Variants in SMYD3 observed in about 807,000 individuals in gnomAD.
The protein encoded by SMYD3 is SET and MYND domain containing 3.
A neutral mutation model predicts 57.7 loss-of-function variants in SMYD3; 36 were observed. That is an observed-to-expected ratio of 0.62 (90% CI 0.48 to 0.82). SMYD3 has a LOEUF of 0.82. Among genes scored for constraint, SMYD3 ranks in the 40% least tolerant of loss-of-function variants. SMYD3 has a pLI of 0.00. For missense variants in SMYD3, 515 were observed against 538.8 expected, an observed-to-expected ratio of 0.96 and a Z score of 0.44; for synonymous variants, 211 against 195.0, an observed-to-expected ratio of 1.08 and a Z score of -0.68.
At chr1:246,140,888 C>T (rs1327354365) in intron 5 of SMYD3, among the ~76,000 whole-genome samples, 3 of 152,186 alleles carry the variant, frequency 2.0e-5, no homozygotes, top group Non-Finnish European at 4.4e-5. Flanking sequence ...AGCCACCAAG[C>T]CCAGCTGGAA....
chr1:246,109,972 G>C (rs895939210), intron 5 of SMYD3: 3 of 152,190 alleles, frequency 2.0e-5, no homozygotes, highest in Non-Finnish European at 4.4e-5. Flanking sequence ...ATAAGGATAG[G>C]AGCTGAAATA....
At chr1:246,344,581 G>T (rs563707366) in intron 2 of SMYD3, among the ~76,000 whole-genome samples, 1 of 152,198 alleles carries the variant, frequency 6.6e-6, no homozygotes, top group South Asian at 2.1e-4. Flanking sequence ...ATAACTCTTA[G>T]GTAAATAACT....
chr1:245,916,334 C>G (rs1029037918), intron 7 of SMYD3, among the ~76,000 whole-genome samples: 3 of 152,180 alleles, frequency 2.0e-5, no homozygotes, highest in Admixed American at 6.5e-5. Context: ...CTCGGACACT[C>G]TCTAACACTG....
intron 5 of SMYD3, among the ~76,000 whole-genome samples, chr1:246,230,125 C>T (rs575647435): frequency 4.6e-5 from 7 of 152,118 alleles, no homozygotes; most frequent in Admixed American, 1.3e-4. Context: ...GGTAATTCAC[C>T]GAACTTTTAG....
At chr1:246,135,188 T>A (rs2061649002) in intron 5 of SMYD3, among the ~76,000 whole-genome samples, 1 of 152,138 alleles carries the variant, frequency 6.6e-6, no homozygotes, top group South Asian at 2.1e-4. Flanking sequence ...AAAGCTTTTG[T>A]TTCAAATCCT....
chr1:246,226,998 T>G (rs952811004), intron 5 of SMYD3, among the ~76,000 whole-genome samples: 6 of 151,410 alleles, frequency 4.0e-5, no homozygotes, highest in African/African-American at 1.4e-4. Context: ...CTCCCTAATT[T>G]TAATATTGAT....
intron 5 of SMYD3, among the ~76,000 whole-genome samples, chr1:246,303,090 C>CA (rs753961393): frequency 4.6e-5 from 7 of 152,194 alleles, no homozygotes; most frequent in African/African-American, 7.2e-5. Flanking sequence ...GAAGAGCAGA[C>CA]AGAGTCTATG....
chr1:246,458,171 G>A (rs2067732082), intron 1 of SMYD3, among the ~76,000 whole-genome samples: 1 of 152,108 alleles, frequency 6.6e-6, no homozygotes, highest in Non-Finnish European at 1.5e-5. Context: ...CGAGGGTCAG[G>A]CTACAAGGAC....
At chr1:246,195,635 A>G (rs754057096) in intron 5 of SMYD3, among the ~76,000 whole-genome samples, 1 of 152,036 alleles carries the variant, frequency 6.6e-6, no homozygotes, top group African/African-American at 2.4e-5. Flanking sequence ...ACACACACGC[A>G]CTGAAAGAAT....
chr1:245,799,801 T>A (rs998031676), intron 10 of SMYD3, among the ~76,000 whole-genome samples: 3 of 151,852 alleles, frequency 2.0e-5, no homozygotes, highest in Admixed American at 2.0e-4. Flanking sequence ...CACCTGTCCA[T>A]CTGCCCACCT....
At position 246,468,085 on chromosome 1, in the gene SMYD3, C is replaced by T. The variant is rs140216986; in HGVS notation, c.164+38969G>A. Among the ~76,000 whole-genome samples, 6 of 150,932 alleles carry T rather than the reference C, an allele frequency of 4.0e-5. No individual in the cohort carries two copies. The East Asian group carries it at 1.2e-3, about 30-fold the overall frequency. On this transcript the variant is annotated intron_variant, in intron 1 of 11. Coordinates refer to ENST00000490107, the MANE Select transcript of SMYD3 (RefSeq NM_001167740.2). ...CTGGGTTGGGAGGATCACTTAAGCCCAGGAGGTGGAAGTTGCAGTGAGCCA... is the reference window on the plus strand; with the variant it reads ...CTGGGTTGGGAGGATCACTTAAGCCTAGGAGGTGGAAGTTGCAGTGAGCCA...
intron 1 of SMYD3, among the ~76,000 whole-genome samples, chr1:246,402,198 G>A (rs1250496414): frequency 6.6e-6 from 1 of 151,724 alleles, no homozygotes; most frequent in East Asian, 1.9e-4. Context: ...TATAGGATTA[G>A]CATATCACAC....
intron 10 of SMYD3, among the ~76,000 whole-genome samples, chr1:245,786,525 C>G (rs2047055264): frequency 6.6e-6 from 1 of 152,068 alleles, no homozygotes; most frequent in African/African-American, 2.4e-5. Flanking sequence ...CTCCAGCCAT[C>G]TCATTGCCTC....
chr1:246,294,081 C>A (rs888268835), intron 5 of SMYD3, among the ~76,000 whole-genome samples: 1 of 152,106 alleles, frequency 6.6e-6, no homozygotes, highest in African/African-American at 2.4e-5. Context: ...TTCAGCTTGC[C>A]CCTTAAATGT....
chr1:245,780,639 T>TA (rs2046791954), intron 10 of SMYD3, among the ~76,000 whole-genome samples: 2 of 152,192 alleles, frequency 1.3e-5, no homozygotes, highest in African/African-American at 2.4e-5. Flanking sequence ...GTAAATATGC[T>TA]AAAAAACCCA....
At chr1:246,400,672 T>C (rs1158967352) in intron 1 of SMYD3, among the ~76,000 whole-genome samples, 7 of 152,232 alleles carry the variant, frequency 4.6e-5, no homozygotes. Flanking sequence ...CCATTTCCAA[T>C]AGAAAATTCC....
rs956273377 is a variant in SMYD3 at position 246,355,779 on chromosome 1, C to A, written c.165-685G>T. ...GAAAACCACATCCCCATCCCAACAGCAGCCGCAGCAATCCCCAGCCAAGGA... is the reference window on the plus strand; with the variant it reads ...GAAAACCACATCCCCATCCCAACAGAAGCCGCAGCAATCCCCAGCCAAGGA... On this transcript the variant is annotated intron_variant, in intron 1 of 11. Transcript: ENST00000490107. The surrounding 1 kb of genome is among the most constrained non-coding windows in gnomAD (Gnocchi z 5.0). Among the ~76,000 whole-genome samples, 2 of 152,144 alleles carry A rather than the reference C, an allele frequency of 1.3e-5. No individual in the cohort carries two copies. The highest frequency in any genetic ancestry group is 2.9e-5 in the Non-Finnish European group (2 of 68,010).
chr1:245,846,948 C>A (rs1490874993), intron 10 of SMYD3, among the ~76,000 whole-genome samples: 2 of 152,154 alleles, frequency 1.3e-5, no homozygotes, highest in Non-Finnish European at 2.9e-5. Flanking sequence ...GCAGGAAGAG[C>A]AATTTCCATC....
intron 1 of SMYD3, among the ~76,000 whole-genome samples, chr1:246,426,574 A>C (rs1344276549): frequency 6.6e-6 from 1 of 152,188 alleles, no homozygotes; most frequent in Non-Finnish European, 1.5e-5. Flanking sequence ...TCATTGAGTA[A>C]GGTTTTATCA....
Sources: allele counts gnomAD v4.1 joint callset (sites outside exome capture counted in the v4.1 genomes callset), GRCh38; gene constraint gnomAD v4.1.1; non-coding constraint Gnocchi (gnomAD v3.1); transcripts MANE v1.5; gene names NCBI Gene and HGNC (gene_info 2026-07-23, HGNC 2026-07-21).